RALYL: variants seen among roughly 807,000 people sequenced by gnomAD.
RALYL encodes RNA-binding Raly-like protein.
Under a neutral mutation model 35.1 loss-of-function variants are expected in RALYL, and 29 were observed. The observed-to-expected ratio is 0.83, with a 90% CI of 0.61 to 1.13. The LOEUF (loss-of-function observed/expected upper bound fraction) is 1.13. Among genes scored for constraint, RALYL ranks in the 50% most tolerant of loss-of-function variants. The pLI is 0.00. For missense variants in RALYL, 359 were observed against 360.4 expected, an observed-to-expected ratio of 1.00 and a Z score of 0.03; for synonymous variants, 120 against 127.6, an observed-to-expected ratio of 0.94 and a Z score of 0.40.
At chr8:84,341,902 A>G (rs1232919942) in intron 1 of RALYL, among the ~76,000 whole-genome samples, 2 of 151,948 alleles carry the variant, frequency 1.3e-5, no homozygotes, top group Non-Finnish European at 2.9e-5. Flanking sequence ...TGTAATAGAC[A>G]AAAGTAGCTC....
intron 2 of RALYL, among the ~76,000 whole-genome samples, chr8:84,600,939 G>T (rs1815790591): frequency 6.6e-6 from 1 of 152,006 alleles, no homozygotes; most frequent in Admixed American, 6.6e-5. Context: ...AACAATAACT[G>T]AATTAAGTTA....
At chr8:84,817,334 G>A (rs1322160242) in intron 4 of RALYL, among the ~76,000 whole-genome samples, 2 of 151,868 alleles carry the variant, frequency 1.3e-5, no homozygotes, top group Non-Finnish European at 2.9e-5. Flanking sequence ...ATTTATCCAG[G>A]TTTTGTAGGA....
At chr8:84,622,341 T>C (rs78922393) in intron 2 of RALYL, among the ~76,000 whole-genome samples, 1 of 151,636 alleles carries the variant, frequency 6.6e-6, no homozygotes, top group Non-Finnish European at 1.5e-5. Context: ...TTATTGGTAA[T>C]GTTAAAGAAA....
At chr8:84,470,563 C>T (rs2052594634) in intron 1 of RALYL, among the ~76,000 whole-genome samples, 1 of 151,652 alleles carries the variant, frequency 6.6e-6, no homozygotes, top group African/African-American at 2.4e-5. Context: ...TTAGTAGCAA[C>T]ATGAAATCTT....
intron 1 of RALYL, among the ~76,000 whole-genome samples, chr8:84,408,760 G>T (rs115987029): frequency 1.3e-4 from 20 of 151,970 alleles, no homozygotes; most frequent in South Asian, 6.2e-4. Flanking sequence ...ATGGAGGCAG[G>T]GTTATCAGAT....
chr8:84,660,029 C>G (rs911872087), intron 2 of RALYL, among the ~76,000 whole-genome samples: 1 of 152,040 alleles, frequency 6.6e-6, no homozygotes, highest in African/African-American at 2.4e-5. Context: ...TAGAATAACA[C>G]TTTGAAGAAT....
At chr8:84,717,509 T>A (rs1843144607) in intron 2 of RALYL, among the ~76,000 whole-genome samples, 1 of 152,188 alleles carries the variant, frequency 6.6e-6, no homozygotes, top group Non-Finnish European at 1.5e-5. Context: ...TAAAGGATAA[T>A]GTGGCATTGG....
intron 1 of RALYL, among the ~76,000 whole-genome samples, chr8:84,312,328 C>A (rs1174132297): frequency 6.6e-6 from 1 of 152,248 alleles, no homozygotes; most frequent in Non-Finnish European, 1.5e-5. Flanking sequence ...ATTATTCCAC[C>A]TTGGCTCCTC....
At chr8:84,266,959 C>CAAAAA (rs747403533) in intron 1 of RALYL, among the ~76,000 whole-genome samples, 42 of 60,374 alleles carry the variant, frequency 7.0e-4, no homozygotes, top group Non-Finnish European at 1.2e-3. Context: ...GACTCCGTCT[C>CAAAAA]AAAAAAAAAA....
chr8:84,406,830 G>C (rs2043546670), intron 1 of RALYL, among the ~76,000 whole-genome samples: 1 of 152,078 alleles, frequency 6.6e-6, no homozygotes, highest in Non-Finnish European at 1.5e-5. Context: ...GATAATGGGT[G>C]ATTACACTGT....
intron 1 of RALYL, among the ~76,000 whole-genome samples, chr8:84,190,697 G>C (rs1451464751): frequency 1.3e-5 from 2 of 152,174 alleles, no homozygotes; most frequent in African/African-American, 4.8e-5. Flanking sequence ...TTTGAACATA[G>C]TAATTTGAAG....
At chr8:84,907,256 T>A (rs1235305506) in intron 8 of RALYL, among the ~76,000 whole-genome samples, 1 of 151,488 alleles carries the variant, frequency 6.6e-6, no homozygotes, top group African/African-American at 2.4e-5. Context: ...TTCAAAAATG[T>A]GGAAAACAGC....
intron 1 of RALYL, among the ~76,000 whole-genome samples, chr8:84,288,688 A>C (rs1222427403): frequency 2.0e-5 from 3 of 152,180 alleles, no homozygotes; most frequent in Non-Finnish European, 4.4e-5. Flanking sequence ...TTCATCTTAC[A>C]GTTTCTTTGC....
intron 3 of RALYL, among the ~76,000 whole-genome samples, chr8:84,776,598 G>T (rs550530807): frequency 1.3e-5 from 2 of 152,170 alleles, no homozygotes; most frequent in African/African-American, 4.8e-5. Context: ...TAGAGCTGCA[G>T]CTAATGCAGA....
chr8:84,555,252 G>A lies in RALYL; in HGVS notation c.256+25675G>A, dbSNP rs199989975. On this transcript the variant is annotated intron_variant, in intron 2 of 8. Coordinates refer to ENST00000521268, the MANE Select transcript of RALYL (RefSeq NM_173848.7). ...CGAGATCATGCCACTGCACTCCAAC[G>A]TGGCAACAGAGTGAGACTCCATCTC... 1.7e-4 allele frequency among the ~76,000 whole-genome samples: 26 copies of A among 152,096 alleles called. No homozygotes were observed. In the East Asian group the frequency reaches 4.4e-3, roughly 26 times the overall value.
At chr8:84,226,345 T>A (rs182688704) in intron 1 of RALYL, among the ~76,000 whole-genome samples, 1 of 152,234 alleles carries the variant, frequency 6.6e-6, no homozygotes, top group East Asian at 1.9e-4. Flanking sequence ...GCCAAAAAGG[T>A]TGGAGATCGC....
At chr8:84,642,687 G>A (rs1826628671) in intron 2 of RALYL, among the ~76,000 whole-genome samples, 1 of 152,064 alleles carries the variant, frequency 6.6e-6, no homozygotes, top group African/African-American at 2.4e-5. Flanking sequence ...TAAGATGTTG[G>A]AAGCTGTTTT....
At chr8:84,913,525 A>C (rs1458393765) in intron 8 of RALYL, among the ~76,000 whole-genome samples, 1 of 152,094 alleles carries the variant, frequency 6.6e-6, no homozygotes, top group Non-Finnish European at 1.5e-5. Flanking sequence ...CATATAATGA[A>C]TAAAGGAAAA....
chr8:84,834,351 C>T (rs901275691), intron 4 of RALYL, among the ~76,000 whole-genome samples: 1 of 152,090 alleles, frequency 6.6e-6, no homozygotes, highest in Non-Finnish European at 1.5e-5. Flanking sequence ...GCCTCTCTCC[C>T]CAGGGTTGAG....
Sources: allele counts gnomAD v4.1 joint callset (sites outside exome capture counted in the v4.1 genomes callset), GRCh38; gene constraint gnomAD v4.1.1; transcripts MANE v1.5; gene names NCBI Gene and HGNC (gene_info 2026-07-23, HGNC 2026-07-21).